Variants in WNK1 observed in about 807,000 individuals in gnomAD.
WNK1 encodes the protein serine/threonine-protein kinase WNK1.
A neutral mutation model predicts 222.8 loss-of-function variants in WNK1; 38 were observed. That is an observed-to-expected ratio of 0.17 (90% CI 0.13 to 0.22). WNK1 has a LOEUF of 0.22. Ranked by LOEUF, WNK1 falls within the 10% of genes least tolerant of loss-of-function variation. The pLI is 1.00. For synonymous variants in WNK1, 1,090 were observed against 1,092.9 expected, an observed-to-expected ratio of 1.00 and a Z score of 0.05; for missense variants, 2,348 against 2,918.4, an observed-to-expected ratio of 0.80 and a Z score of 4.50.
chr12:833,982 T>C (rs1949021134), intron 4 of WNK1, among the ~76,000 whole-genome samples: 1 of 152,198 alleles, frequency 6.6e-6, no homozygotes. Context: ...TGGTGAGTAT[T>C]GTAATGGAGA....
chr12:769,943 A>G (rs1942266265), intron 1 of WNK1, among the ~76,000 whole-genome samples: 1 of 151,144 alleles, frequency 6.6e-6, no homozygotes, highest in Non-Finnish European at 1.5e-5. Context: ...GCAGAGCCCC[A>G]CTTCCCAAAA....
At chr12:807,819 A>G (rs1433184059) in intron 1 of WNK1, among the ~76,000 whole-genome samples, 1 of 142,300 alleles carries the variant, frequency 7.0e-6, no homozygotes, top group Admixed American at 7.8e-5. Flanking sequence ...TCCCGGGTTC[A>G]CGCCATTCTC....
intron 4 of WNK1, among the ~76,000 whole-genome samples, chr12:834,302 A>T (rs1949021633): frequency 6.6e-6 from 1 of 152,192 alleles, no homozygotes; most frequent in East Asian, 1.9e-4. Context: ...CAGAGCAGAG[A>T]GTTTCCGGTT....
intron 4 of WNK1, among the ~76,000 whole-genome samples, chr12:852,405 T>C (rs1480432734): frequency 6.6e-6 from 1 of 152,176 alleles, no homozygotes; most frequent in Admixed American, 6.5e-5. Flanking sequence ...GAAATACTTA[T>C]ATTTAATGAA....
chr12:798,444 G>A (rs534654777), intron 1 of WNK1, among the ~76,000 whole-genome samples: 4 of 152,178 alleles, frequency 2.6e-5, no homozygotes, highest in Non-Finnish European at 4.4e-5. Flanking sequence ...TGCCCGCCTC[G>A]GCCTCCCAAA....
At chr12:852,458 A>G (rs1202213319) in intron 4 of WNK1, among the ~76,000 whole-genome samples, 1 of 152,236 alleles carries the variant, frequency 6.6e-6, no homozygotes, top group Admixed American at 6.5e-5. Flanking sequence ...ATATGACACT[A>G]CTGCCTAAAG....
At chr12:903,589 C>T (rs72650777) in intron 26 of WNK1, among the ~76,000 whole-genome samples, 2 of 152,194 alleles carry the variant, frequency 1.3e-5, no homozygotes, top group East Asian at 3.9e-4. Flanking sequence ...AATTCTCATC[C>T]CACTTTTAAA....
intron 25 of WNK1, among the ~76,000 whole-genome samples, chr12:897,976 T>G (rs893019353): frequency 6.6e-6 from 1 of 152,234 alleles, no homozygotes; most frequent in African/African-American, 2.4e-5. Flanking sequence ...GCCTGTTAAC[T>G]CGTATAACTC....
chr12:858,315 G>C (rs1414997806), intron 5 of WNK1, among the ~76,000 whole-genome samples: 4 of 151,708 alleles, frequency 2.6e-5, no homozygotes, highest in African/African-American at 7.3e-5. Flanking sequence ...TCAGCCTCCT[G>C]AGTAGCTGGG....
rs1428933038 is a variant in WNK1 at position 879,458 on chromosome 12, GT to G, written c.2374-112del. On this transcript the variant is annotated intron_variant, in intron 10 of 27. Coordinates refer to ENST00000315939, the MANE Select transcript of WNK1 (RefSeq NM_018979.4). ...TTGTTGGTTTGGTGTTTTTTTTTTT[GT>G]TTGTTTTTTCCTTCTTTTTGGCTAA... is the stretch of plus-strand genomic sequence containing the variant. 237 of 192,868 alleles carry G rather than the reference GT, an allele frequency of 1.2e-3. 6 individuals are homozygous for G. The highest frequency in any genetic ancestry group is 2.3e-3 in the Middle Eastern group (2 of 856). The allele number at this position is 192,868 out of a possible 1,614,324, so 11.9% of individuals were successfully genotyped here.
chr12:780,959 T>C (rs1943632402), intron 1 of WNK1, among the ~76,000 whole-genome samples: 1 of 152,230 alleles, frequency 6.6e-6, no homozygotes, highest in Non-Finnish European at 1.5e-5. Flanking sequence ...CAGACTACTT[T>C]GCAGTGGCTA....
intron 8 of WNK1, among the ~76,000 whole-genome samples, chr12:870,414 G>A (rs1372542469): frequency 6.6e-6 from 1 of 152,140 alleles, no homozygotes; most frequent in Non-Finnish European, 1.5e-5. Flanking sequence ...AAGCTGCAGT[G>A]GAATGTGATA....
At chr12:774,794 A>G (rs779230717) in intron 1 of WNK1, among the ~76,000 whole-genome samples, 1 of 152,130 alleles carries the variant, frequency 6.6e-6, no homozygotes, top group Non-Finnish European at 1.5e-5. Context: ...CTTCCCCCAT[A>G]TGCTTTGATA....
chr12:817,833 A>ATCAAC (rs66842321), intron 2 of WNK1, among the ~76,000 whole-genome samples: 2 of 151,640 alleles, frequency 1.3e-5, no homozygotes, highest in Non-Finnish European at 2.9e-5. Context: ...GGCGCCTGTA[A>ATCAAC]TCCCAGCTAC....
At chr12:846,441 T>C (rs1461645048) in intron 4 of WNK1, among the ~76,000 whole-genome samples, 1 of 152,196 alleles carries the variant, frequency 6.6e-6, no homozygotes, top group African/African-American at 2.4e-5. Context: ...GTACACAAGC[T>C]TTCATGTATT....
At chr12:795,658 A>G (rs1945250111) in intron 1 of WNK1, among the ~76,000 whole-genome samples, 1 of 111,218 alleles carries the variant, frequency 9.0e-6, no homozygotes, top group South Asian at 3.0e-4. Flanking sequence ...TATCAGCAGC[A>G]TGAAAACTGA....
At position 867,776 on chromosome 12, in the gene WNK1, T is replaced by C. The variant is rs924509112; in HGVS notation, c.2140-3489T>C. 12 of 1,365,412 alleles carry C rather than the reference T, an allele frequency of 8.8e-6. No individual in the cohort carries two copies. The Middle Eastern group carries it at 5.4e-4, about 61-fold the overall frequency. The allele number at this position is 1,365,412 out of a possible 1,614,324, so 84.6% of individuals were successfully genotyped here. ...TTATAAATTTAGTGTAACCATTTCATAGGGTTACACAGAACTACCCAGTTG... is the reference window on the plus strand; with the variant it reads ...TTATAAATTTAGTGTAACCATTTCACAGGGTTACACAGAACTACCCAGTTG... On this transcript the variant is annotated intron_variant, in intron 8 of 27. Coordinates refer to ENST00000315939, the MANE Select transcript of WNK1 (RefSeq NM_018979.4).
intron 1 of WNK1, among the ~76,000 whole-genome samples, chr12:800,086 A>G (rs971752739): frequency 3.3e-5 from 5 of 151,992 alleles, no homozygotes; most frequent in Non-Finnish European, 5.9e-5. Context: ...TAAGGCTGCA[A>G]TGGTCTAGGA....
At chr12:808,640 A>G (rs1175787637) in intron 1 of WNK1, among the ~76,000 whole-genome samples, 4 of 152,018 alleles carry the variant, frequency 2.6e-5, no homozygotes, top group African/African-American at 9.7e-5. Flanking sequence ...AGGTGGAGAG[A>G]ACCTCTTAGA....
Sources: gnomAD v4.1 joint callset for allele counts (sites outside exome capture counted in the v4.1 genomes callset) on GRCh38, gnomAD v4.1.1 for gene constraint, MANE v1.5 for transcripts, NCBI Gene and HGNC (gene_info 2026-07-23, HGNC 2026-07-21) for gene names.